ITGAE: variants seen among roughly 807,000 people sequenced by gnomAD.
ITGAE encodes integrin alpha-E.
A neutral mutation model predicts 136.5 loss-of-function variants in ITGAE; 99 were observed. The ratio of observed to expected loss-of-function variants is 0.73; its 90% CI spans 0.62 to 0.86. The LOEUF is 0.86. Ranked by LOEUF, ITGAE falls within the 40% of genes least tolerant of loss-of-function variation. The pLI is 0.00. For missense variants in ITGAE, 1,447 were observed against 1,515.3 expected, an observed-to-expected ratio of 0.95 and a Z score of 0.75; for synonymous variants, 613 against 591.8, an observed-to-expected ratio of 1.04 and a Z score of -0.52.
intron 24 of ITGAE, 70 bp downstream of exon 24, chr17:3,729,408 C>A: frequency 1.1e-6 from 1 of 944,168 alleles, no homozygotes; most frequent in South Asian, 1.3e-5. Flanking sequence ...GCTCCATCTA[C>A]GAGAGAGAGC....
chr17:3,744,071 C>CAT (rs2051656480), intron 18 of ITGAE, among the ~76,000 whole-genome samples: 1 of 151,490 alleles, frequency 6.6e-6, no homozygotes, highest in Admixed American at 6.6e-5. Context: ...AGGGCAGCAG[C>CAT]ACCATGATGG....
chr17:3,724,531 C>T (rs1327420274), intron 26 of ITGAE: 3 of 1,614,110 alleles, frequency 1.9e-6, no homozygotes, highest in Non-Finnish European at 2.5e-6. Flanking sequence ...GTTGCAGCCT[C>T]AGCCGTCCCG....
chr17:3,768,785 C>T (rs1013383157), intron 2 of ITGAE, among the ~76,000 whole-genome samples: 5 of 152,316 alleles, frequency 3.3e-5, no homozygotes, highest in Admixed American at 6.5e-5. Flanking sequence ...TGTCTCCCCA[C>T]GAGACAGTAG....
intron 1 of ITGAE, among the ~76,000 whole-genome samples, chr17:3,781,761 CTCA>C (rs1567554543): frequency 6.6e-6 from 1 of 152,152 alleles, no homozygotes; most frequent in Non-Finnish European, 1.5e-5. Flanking sequence ...GTTGAAATGT[CTCA>C]TCATTATTTG....
intron 1 of ITGAE, among the ~76,000 whole-genome samples, chr17:3,789,666 C>A (rs1040168167): frequency 3.9e-5 from 6 of 151,948 alleles, no homozygotes; most frequent in Admixed American, 3.9e-4. Flanking sequence ...ACACCCAGAT[C>A]AATTTTGTAT....
intron 3 of ITGAE, among the ~76,000 whole-genome samples, chr17:3,763,451 A>T (rs1178160263): frequency 6.6e-6 from 1 of 152,148 alleles, no homozygotes; most frequent in African/African-American, 2.4e-5. Context: ...GATGACTTGC[A>T]TCAGGAAGGG....
chr17:3,738,120 A>T (rs1194441913), intron 20 of ITGAE, among the ~76,000 whole-genome samples: 1 of 152,164 alleles, frequency 6.6e-6, no homozygotes, highest in Non-Finnish European at 1.5e-5. Flanking sequence ...ACAGAATCAC[A>T]ATACATACAC....
chr17:3,749,977 C>T lies in ITGAE; in HGVS notation c.2024+375G>A, dbSNP rs113239217. Among the ~76,000 whole-genome samples, 878 of 152,210 alleles carry T rather than the reference C, an allele frequency of 5.8e-3. 11 individuals are homozygous for T. Among genetic ancestry groups the T allele is most frequent in the African/African-American group, 0.018 (757 of 41,532 alleles). ...GTTGCAGTGAACCAAGATTACACCACTGCACTCCAGCCTGGGCAAAAGAGG... is the reference window on the plus strand; with the variant it reads ...GTTGCAGTGAACCAAGATTACACCATTGCACTCCAGCCTGGGCAAAAGAGG... On this transcript the variant is annotated intron_variant, in intron 16 of 30. Transcript: ENST00000263087.
chr17:3,739,143 A>T (rs170211), intron 20 of ITGAE, among the ~76,000 whole-genome samples: 100,468 of 151,698 alleles, frequency 0.66, 35,220 homozygotes, highest in African/African-American at 0.91. Flanking sequence ...TAGACACCCA[A>T]CCACATAGCT....
intron 1 of ITGAE, among the ~76,000 whole-genome samples, chr17:3,794,844 C>G (rs1194992975): frequency 6.6e-6 from 1 of 152,146 alleles, no homozygotes; most frequent in Non-Finnish European, 1.5e-5. Context: ...TTCTTCCCCC[C>G]GTTTCACTGT....
chr17:3,753,692 C>T (rs2051927912), intron 13 of ITGAE, 91 bp downstream of exon 13: 1 of 1,502,144 alleles, frequency 6.7e-7, no homozygotes, highest in South Asian at 1.2e-5. Context: ...GGGCCCTGGC[C>T]CACTGTGCAC....
At chr17:3,772,572 T>G (rs2052452101) in intron 2 of ITGAE, among the ~76,000 whole-genome samples, 1 of 151,728 alleles carries the variant, frequency 6.6e-6, no homozygotes, top group Non-Finnish European at 1.5e-5. Context: ...CATGCCATTC[T>G]CCTGCCTCAG....
chr17:3,785,208 C>T (rs1483942590), intron 1 of ITGAE, among the ~76,000 whole-genome samples: 1 of 151,934 alleles, frequency 6.6e-6, no homozygotes, highest in Non-Finnish European at 1.5e-5. Context: ...GTGGCTCATG[C>T]CTGCAACCCC....
intron 8 of ITGAE, among the ~76,000 whole-genome samples, chr17:3,759,129 A>G (rs569437658): frequency 2.5e-4 from 32 of 129,190 alleles, no homozygotes; most frequent in African/African-American, 7.5e-4. Flanking sequence ...CATCTCAAAA[A>G]AAAAAACAAA....
intron 19 of ITGAE, among the ~76,000 whole-genome samples, chr17:3,740,914 C>T (rs1208908428): frequency 1.3e-5 from 2 of 152,148 alleles, no homozygotes; most frequent in Admixed American, 6.5e-5. Flanking sequence ...CGGCAGCTGT[C>T]TGCAGGTCTG....
chr17:3,729,443 A>G (rs377471317), intron 24 of ITGAE, 35 bp downstream of exon 24: 51 of 1,353,636 alleles, frequency 3.8e-5, no homozygotes, highest in Admixed American at 2.0e-4. Flanking sequence ...TGGGCGATGG[A>G]GTCACACCGC....
chr17:3,787,228 C>T (rs1290049287), intron 1 of ITGAE, among the ~76,000 whole-genome samples: 1 of 151,908 alleles, frequency 6.6e-6, no homozygotes, highest in Non-Finnish European at 1.5e-5. Flanking sequence ...TCTCCTGCCT[C>T]AGCCTCCCAA....
At chr17:3,750,945 G>C (rs1052813066) in intron 15 of ITGAE, among the ~76,000 whole-genome samples, 4 of 152,052 alleles carry the variant, frequency 2.6e-5, no homozygotes, top group Non-Finnish European at 5.9e-5. Context: ...GGGATGGCAA[G>C]GCCTGAGCTG....
At chr17:3,793,426 G>A (rs958641409) in intron 1 of ITGAE, among the ~76,000 whole-genome samples, 3 of 152,198 alleles carry the variant, frequency 2.0e-5, no homozygotes, top group African/African-American at 4.8e-5. Context: ...TTGGCTCACC[G>A]CAACCCCCAC....
Sources: gnomAD v4.1 joint callset for allele counts (sites outside exome capture counted in the v4.1 genomes callset) on GRCh38, gnomAD v4.1.1 for gene constraint, MANE v1.5 for transcripts, NCBI Gene and HGNC (gene_info 2026-07-23, HGNC 2026-07-21) for gene names.